Variants in LYPLA1 observed in about 807,000 individuals in gnomAD.
LYPLA1 encodes lysophospholipase 1, also known as acyl-protein thioesterase 1.
LYPLA1 carries 17 observed loss-of-function variants against 34.0 expected under a neutral mutation model. That is an observed-to-expected ratio of 0.50 (90% CI 0.34 to 0.75). LYPLA1 has a LOEUF of 0.75. Among genes scored for constraint, LYPLA1 ranks in the 30% least tolerant of loss-of-function variants. The pLI, the probability that LYPLA1 is intolerant of heterozygous loss-of-function variation, is 0.01. For missense variants in LYPLA1, 203 were observed against 288.8 expected, an observed-to-expected ratio of 0.70 and a Z score of 2.15; for synonymous variants, 98 against 100.8, an observed-to-expected ratio of 0.97 and a Z score of 0.17.
chr8:54,049,249 T>C (rs1304216018), intron 8 of LYPLA1, among the ~76,000 whole-genome samples: 1 of 152,260 alleles, frequency 6.6e-6, no homozygotes, highest in Non-Finnish European at 1.5e-5. Flanking sequence ...CAATTTTTAC[T>C]CTAGGTCTTC....
Position 54,051,096 on chromosome 8 carries a change from C to T in LYPLA1, c.555G>A (p.Thr185=), listed in dbSNP as rs759293423. The T allele has an allele frequency of 2.2e-5, 36 of 1,613,698 alleles. No individual in the cohort carries two copies. The highest frequency in any genetic ancestry group is 2.5e-5 in the Non-Finnish European group (30 of 1,179,894). ...PLVPLMFGSL[T]VEKLKTLVNP... is the part of the protein sequence containing the mutation. ...TCACCAATGTTTTTAGTTTTTCCAC[C>T]GTAAGAGAACCAAACATCAGGGGAA... The change falls in exon 8 of 9, where the codon ACG becomes ACA. Residue 185 remains threonine (T), a synonymous_variant. Transcript: ENST00000316963.
intron 2 of LYPLA1, among the ~76,000 whole-genome samples, chr8:54,089,081 G>C (rs1395930189): frequency 6.6e-6 from 1 of 152,224 alleles, no homozygotes; most frequent in Non-Finnish European, 1.5e-5. Flanking sequence ...GTCTGCAGAT[G>C]AATGTTGGGT....
At chr8:54,076,205 C>T (rs1807889212) in intron 2 of LYPLA1, among the ~76,000 whole-genome samples, 1 of 151,338 alleles carries the variant, frequency 6.6e-6, no homozygotes, top group African/African-American at 2.5e-5. Context: ...TAGAAGGACA[C>T]CCTACAAACT....
chr8:54,068,263 G>A (rs2129337971), intron 2 of LYPLA1, among the ~76,000 whole-genome samples: 1 of 152,218 alleles, frequency 6.6e-6, no homozygotes, highest in Middle Eastern at 3.4e-3. Context: ...CATGGACTGG[G>A]AGATATAATA....
At chr8:54,100,581 TTTTAACTGCTCTGGAAA>T in intron 2 of LYPLA1, 2 of 304,380 alleles carry the variant, frequency 6.6e-6, no homozygotes, top group South Asian at 6.8e-5. Context: ...TGCTCTGAAA[TTTTAACTGCTCTGGAAA>T]GCTCTCAATT....
rs200300967 is a variant in LYPLA1 at position 54,052,725 on chromosome 8, G to T, written c.392C>A (p.Thr131Asn). The T allele has an allele frequency of 7.4e-6, 12 of 1,613,706 alleles. No individual in the cohort carries two copies. The highest frequency in any genetic ancestry group is 2.2e-5 in the East Asian group (1 of 44,884). ...GACACCTGCCAGTTTCTGCTGTGTG[G>T]TAAGGGCAGTATATAAAGATAAAGC... Reference protein sequence around the residue: ...GGALSLYTALTTQQKLAGVTA... With the variant: ...GGALSLYTALNTQQKLAGVTA... The change falls in exon 7 of 9, where the codon ACC becomes AAC. Residue 131 changes from threonine to asparagine, a missense_variant. By Grantham distance (65) the Thr-to-Asn change is moderately conservative. Coordinates refer to ENST00000316963, the MANE Select transcript of LYPLA1 (RefSeq NM_006330.4).
downstream of LYPLA1, among the ~76,000 whole-genome samples, chr8:54,044,284 T>A (rs1486067922): frequency 6.6e-6 from 1 of 152,114 alleles, no homozygotes; most frequent in Non-Finnish European, 1.5e-5. Context: ...CTGAGCTCAT[T>A]TTTGACAAGG....
chr8:54,061,372 C>T (rs763807932), intron 5 of LYPLA1, among the ~76,000 whole-genome samples: 122 of 152,204 alleles, frequency 8.0e-4, no homozygotes, highest in Non-Finnish European at 1.3e-3. Context: ...TGAGCCACCA[C>T]GCCCGGCCGG....
At chr8:54,079,729 A>G (rs1185846094) in intron 2 of LYPLA1, among the ~76,000 whole-genome samples, 2 of 152,098 alleles carry the variant, frequency 1.3e-5, no homozygotes, top group African/African-American at 2.4e-5. Flanking sequence ...TGGGAGGCGG[A>G]GGGTGCGGTA....
chr8:54,091,950 T>C (rs1266962277), intron 2 of LYPLA1, among the ~76,000 whole-genome samples: 1 of 151,382 alleles, frequency 6.6e-6, no homozygotes, highest in East Asian at 1.9e-4. Context: ...TAGCCAGGCA[T>C]GGTGGCATGC....
At chr8:54,073,128 G>A (rs1262282953) in intron 2 of LYPLA1, 1 of 715,692 alleles carries the variant, frequency 1.4e-6, no homozygotes, top group South Asian at 1.4e-5. Flanking sequence ...GTCCATCTCA[G>A]GGAGACCTGG....
chr8:54,085,776 CCCA>C (rs1389173800), intron 2 of LYPLA1, among the ~76,000 whole-genome samples: 1,201 of 5,518 alleles, frequency 0.22, 23 homozygotes, highest in African/African-American at 0.36. Flanking sequence ...GGGGGCAGCC[CCCA>C]CCCCGGCCAG....
Position 54,046,914 on chromosome 8 carries a change from T to C in LYPLA1, c.*1151A>G, listed in dbSNP as rs1392488254. ...ATCAAAAACTAATACAAAAAATAAT[T>C]TGACTAAAGTGAAAATTTCAAATAA... On this transcript the variant is annotated 3_prime_UTR_variant, in exon 9 of 9. Coordinates refer to ENST00000316963, the MANE Select transcript of LYPLA1 (RefSeq NM_006330.4). 2.6e-5 allele frequency: 4 copies of C among 152,130 alleles called. No homozygotes were observed. The highest frequency in any genetic ancestry group is 5.9e-5 in the Non-Finnish European group (4 of 67,988). 9.4% of individuals were successfully genotyped at this position (152,130 alleles called of 1,614,324 possible).
chr8:54,079,036 A>C (rs1808117182), intron 2 of LYPLA1, among the ~76,000 whole-genome samples: 1 of 152,038 alleles, frequency 6.6e-6, no homozygotes, highest in Admixed American at 6.6e-5. Context: ...TCCAGGCTGG[A>C]GTGCAGGGAT....
intron 6 of LYPLA1, chr8:54,052,971 A>T (rs1805951291): frequency 2.1e-6 from 1 of 481,916 alleles, no homozygotes; most frequent in Admixed American, 3.2e-5. Context: ...CTTTCCGACG[A>T]GACATAGTTT....
Position 54,086,892 on chromosome 8 carries a change from A to T in LYPLA1, c.101+14016T>A, listed in dbSNP as rs756506317. ...CTATCCCATAGGAATATAAATACAAAATCCTAAAAACTACCAAACCAAATC... is the reference window on the plus strand; with the variant it reads ...CTATCCCATAGGAATATAAATACAATATCCTAAAAACTACCAAACCAAATC... On this transcript the variant is annotated intron_variant, in intron 2 of 8. Coordinates refer to ENST00000316963, the MANE Select transcript of LYPLA1 (RefSeq NM_006330.4). 5.0e-4 allele frequency among the ~76,000 whole-genome samples: 76 copies of T among 152,144 alleles called. 1 individual carries two copies. The highest frequency in any genetic ancestry group is 8.5e-4 in the Admixed American group (13 of 15,260).
intron 2 of LYPLA1, among the ~76,000 whole-genome samples, chr8:54,095,815 G>A (rs1326820116): frequency 6.6e-6 from 1 of 151,830 alleles, no homozygotes; most frequent in Non-Finnish European, 1.5e-5. Context: ...AAACAGCTGG[G>A]CTCAAGCGAT....
intron 2 of LYPLA1, among the ~76,000 whole-genome samples, chr8:54,082,709 C>T (rs1808408376): frequency 1.3e-5 from 2 of 152,194 alleles, no homozygotes; most frequent in African/African-American, 4.8e-5. Context: ...TTTTTTCACA[C>T]AGATTTCTCA....
rs1805585531 is a variant in LYPLA1 at position 54,048,011 on chromosome 8, T to C, written c.*54A>G. ...TGAAGACTGGGCATGGGAAAAGGTT[T>C]ACACTCTACTACAATGATGCTGGTG... On this transcript the variant is annotated 3_prime_UTR_variant, in exon 9 of 9. Transcript: ENST00000316963. 1.6e-6 allele frequency: 2 copies of C among 1,289,510 alleles called. No individual in the cohort carries two copies. The highest frequency in any genetic ancestry group is 1.1e-6 in the Non-Finnish European group (1 of 896,532). The allele number at this position is 1,289,510 out of a possible 1,614,324, so 79.9% of individuals were successfully genotyped here. A position where few individuals can be genotyped will look rare whatever the true frequency, so the allele number is the denominator to read the frequency against.
Sources: gnomAD v4.1 joint callset for allele counts (sites outside exome capture counted in the v4.1 genomes callset) on GRCh38, gnomAD v4.1.1 for gene constraint, MANE v1.5 for transcripts, NCBI Gene and HGNC (gene_info 2026-07-23, HGNC 2026-07-21) for gene names.